Variants in AKAIN1 observed in about 807,000 individuals in gnomAD.
AKAIN1 encodes A-kinase anchor inhibitor 1, also known as A-kinase anchor protein inhibitor 1.
A neutral mutation model predicts 3.7 loss-of-function variants in AKAIN1; 3 were observed. The ratio of observed to expected loss-of-function variants is 0.82; its 90% CI spans 0.37 to 2.12. The LOEUF is 2.12. Among genes scored for constraint, AKAIN1 ranks in the 30% most tolerant of loss-of-function variants. The pLI is 0.06. For missense variants in AKAIN1, 82 were observed against 82.7 expected (o/e 0.99, Z 0.03); for synonymous variants, 31 against 30.8 (o/e 1.01, Z -0.02).
intron 1 of AKAIN1, among the ~76,000 whole-genome samples, chr18:5,166,681 A>C (rs1199038037): frequency 6.6e-6 from 1 of 152,144 alleles, no homozygotes; most frequent in Non-Finnish European, 1.5e-5. Context: ...AACCTGATTT[A>C]GTTCTTGTTA....
chr18:5,173,199 C>T (rs1252838854), intron 1 of AKAIN1, among the ~76,000 whole-genome samples: 1 of 152,142 alleles, frequency 6.6e-6, no homozygotes, highest in Non-Finnish European at 1.5e-5. Flanking sequence ...TTCCTAGGGA[C>T]TAACTGGACA....
intron 1 of AKAIN1, among the ~76,000 whole-genome samples, chr18:5,189,584 C>T (rs1388648777): frequency 6.6e-6 from 1 of 152,154 alleles, no homozygotes; most frequent in Non-Finnish European, 1.5e-5. Flanking sequence ...GGACACAATT[C>T]AGTCCATGTC....
chr18:5,189,382 A>G (rs12457390), intron 1 of AKAIN1, among the ~76,000 whole-genome samples: 6,513 of 152,080 alleles, frequency 0.043, 441 homozygotes, highest in East Asian at 0.3. Context: ...TAACAAACAC[A>G]CTTTTTCACT....
At chr18:5,186,846 C>G (rs1339115325) in intron 1 of AKAIN1, among the ~76,000 whole-genome samples, 1 of 152,056 alleles carries the variant, frequency 6.6e-6, no homozygotes, top group African/African-American at 2.4e-5. Context: ...GTTTATTATC[C>G]AATCATAATA....
chr18:5,181,021 C>G (rs1054403419), intron 1 of AKAIN1, among the ~76,000 whole-genome samples: 1 of 151,906 alleles, frequency 6.6e-6, no homozygotes, highest in African/African-American at 2.4e-5. Flanking sequence ...GGTGTGGTGG[C>G]TCATGCCTAT....
intron 1 of AKAIN1, among the ~76,000 whole-genome samples, chr18:5,184,191 T>G (rs1317630737): frequency 1.3e-5 from 2 of 152,036 alleles, no homozygotes; most frequent in Non-Finnish European, 2.9e-5. Flanking sequence ...ACAGCAAAAG[T>G]GCTGCACTGA....
intron 1 of AKAIN1, among the ~76,000 whole-genome samples, chr18:5,195,289 A>G (rs143124650): frequency 0.013 from 1,909 of 152,320 alleles, 19 homozygotes; most frequent in Non-Finnish European, 0.019. Flanking sequence ...GGAAAAGTAA[A>G]GTCCTGTCCA....
intron 1 of AKAIN1, among the ~76,000 whole-genome samples, chr18:5,193,659 CTT>C (rs933946880): frequency 2.0e-5 from 3 of 152,162 alleles, no homozygotes; most frequent in African/African-American, 7.2e-5. Flanking sequence ...CTCTTGTGTA[CTT>C]TGTCACCTTT....
rs2071354105 is a variant in AKAIN1 at position 5,197,207 on chromosome 18, A to G, written c.-154T>C. On this transcript the variant is annotated 5_prime_UTR_variant, in exon 1 of 2. Coordinates refer to ENST00000434239, the MANE Select transcript of AKAIN1 (RefSeq NM_001145194.2). The surrounding 1 kb of genome is among the most constrained non-coding windows in gnomAD (Gnocchi z 6.9). ...AGCACCCCGGACAGCTCCCGCCGCT[A>G]GATCCTGGGGCCGCAGCTCCAGCCG... 1.4e-6 allele frequency: 2 copies of G among 1,419,416 alleles called. No homozygotes were observed. Among genetic ancestry groups the G allele is most frequent in the Non-Finnish European group, 1.8e-6 (2 of 1,094,824 alleles). 87.9% of individuals were successfully genotyped at this position (1,419,416 alleles called of 1,614,324 possible). A position where few individuals can be genotyped will look rare whatever the true frequency, so the allele number is the denominator to read the frequency against.
At chr18:5,154,345 G>A (rs554207897) in intron 1 of AKAIN1, among the ~76,000 whole-genome samples, 1 of 152,060 alleles carries the variant, frequency 6.6e-6, no homozygotes, top group South Asian at 2.1e-4. Flanking sequence ...TTCTGAGCAC[G>A]TAGATAACAA....
In AKAIN1 at chr18:5,174,586, C is replaced by G. The variant is rs183429614; in HGVS notation, c.16+22452G>C. 1.1e-4 allele frequency among the ~76,000 whole-genome samples: 16 copies of G among 152,160 alleles called. No homozygotes were observed. The East Asian group carries it at 3.1e-3, about 30-fold the overall frequency. ...CAAAACCCTATCCCTACTAAAAATA[C>G]AAAAATTAGCAGAGCATGGTGGCGT... On this transcript the variant is annotated intron_variant, in intron 1 of 1. Transcript: ENST00000434239.
intron 1 of AKAIN1, among the ~76,000 whole-genome samples, chr18:5,147,304 T>C (rs748104587): frequency 2.0e-4 from 31 of 152,182 alleles, no homozygotes; most frequent in Non-Finnish European, 2.1e-4. Flanking sequence ...AAAAGTAATA[T>C]ACCTTGTTTA....
Position 5,185,566 on chromosome 18 carries a change from CAT to C in AKAIN1, c.16+11470_16+11471del, listed in dbSNP as rs151218114. Among the ~76,000 whole-genome samples, 1,355 of 152,240 alleles carry C rather than the reference CAT, an allele frequency of 8.9e-3. 18 individuals are homozygous for C. Among genetic ancestry groups the C allele is most frequent in the African/African-American group, 0.029 (1,207 of 41,554 alleles). ...TGAACAGACACTTTTCAGAAGAAGA[CAT>C]ACATGTAGCCAATAAGCACATAAAA... On this transcript the variant is annotated intron_variant, in intron 1 of 1. Transcript: ENST00000434239.
At chr18:5,192,456 C>CTTTTT (rs55915033) in intron 1 of AKAIN1, among the ~76,000 whole-genome samples, 14 of 134,426 alleles carry the variant, frequency 1.0e-4, no homozygotes, top group Non-Finnish European at 2.1e-4. Flanking sequence ...TTTTTCTTTT[C>CTTTTT]TTTGGTAGAG....
chr18:5,190,239 G>A (rs1043429238), intron 1 of AKAIN1, among the ~76,000 whole-genome samples: 3 of 152,094 alleles, frequency 2.0e-5, no homozygotes, highest in Non-Finnish European at 4.4e-5. Context: ...ACCTCTTAAA[G>A]GTCTACTTCT....
intron 1 of AKAIN1, among the ~76,000 whole-genome samples, chr18:5,192,385 T>TTTATTTTCTTTCTTTCTTTCTTTC (rs572080430): frequency 8.4e-5 from 9 of 107,072 alleles, no homozygotes; most frequent in African/African-American, 3.2e-4. Flanking sequence ...ACAGAGCTAA[T>TTTATTTTCTTTCTTTCTTTCTTTC]TTTCTTTCTT....
In AKAIN1 at chr18:5,145,663, C is replaced by A. The variant is rs1449723907; in HGVS notation, c.109G>T (p.Val37Phe). ...TCTCTGCGCTGACTCTCCTGGGAGA[C>A]TTGCTGCACAGCTTGCAGGATTGCA... is the stretch of plus-strand genomic sequence containing the variant. The part of the protein sequence containing the change: ...QNAILQAVQQ[V>F]SQESQRREER... The change falls in exon 2 of 2, where the codon GTC (valine) becomes TTC (phenylalanine). Residue 37 changes from valine (V) to phenylalanine (F), a missense_variant. By Grantham distance (50) the Val-to-Phe change is conservative. Transcript: ENST00000434239. 3 of 1,551,690 alleles carry A rather than the reference C, an allele frequency of 1.9e-6. No homozygotes were observed. The highest frequency in any genetic ancestry group is 2.6e-6 in the Non-Finnish European group (3 of 1,146,950).
At chr18:5,148,546 C>T (rs989701529) in intron 1 of AKAIN1, among the ~76,000 whole-genome samples, 1 of 152,116 alleles carries the variant, frequency 6.6e-6, no homozygotes, top group African/African-American at 2.4e-5. Context: ...GGCTGGGCAG[C>T]CATATGTCTT....
intron 1 of AKAIN1, among the ~76,000 whole-genome samples, chr18:5,147,759 C>A (rs765560068): frequency 1.3e-5 from 2 of 151,944 alleles, no homozygotes; most frequent in Non-Finnish European, 2.9e-5. Context: ...CTATTGAGAG[C>A]GAAGAACAAT....
Sources: allele counts gnomAD v4.1 joint callset (sites outside exome capture counted in the v4.1 genomes callset), GRCh38; gene constraint gnomAD v4.1.1; non-coding constraint Gnocchi (gnomAD v3.1); transcripts MANE v1.5; gene names NCBI Gene and HGNC (gene_info 2026-07-23, HGNC 2026-07-21).